Variants in HSD17B3 observed in about 807,000 individuals in gnomAD.
HSD17B3 encodes 17-beta-hydroxysteroid dehydrogenase type 3.
In HSD17B3, 29 loss-of-function variants were observed where a neutral mutation model predicts 41.1. That is an observed-to-expected ratio of 0.71 (90% CI 0.53 to 0.96). HSD17B3 has a LOEUF of 0.96. Ranked by LOEUF, HSD17B3 falls within the 40% of genes least tolerant of loss-of-function variation. The pLI, the probability that HSD17B3 is intolerant of heterozygous loss-of-function variation, is 0.00. For synonymous variants in HSD17B3, 126 were observed against 145.6 expected (o/e 0.87, Z 0.97); for missense variants, 323 against 374.6 (o/e 0.86, Z 1.14).
chr9:96,246,241 G>A (rs2130716280), intron 7 of HSD17B3, among the ~76,000 whole-genome samples: 1 of 152,126 alleles, frequency 6.6e-6, no homozygotes, highest in East Asian at 1.9e-4. Context: ...CTTGATCTCG[G>A]GCCAACTTCT....
chr9:96,250,260 A>C (rs1836843052), intron 5 of HSD17B3: 1 of 1,106,846 alleles, frequency 9.0e-7, no homozygotes, highest in South Asian at 3.8e-5. Flanking sequence ...CACAGACACT[A>C]GCACAAACAC....
chr9:96,240,955 A>G (rs1156738656), intron 9 of HSD17B3, 48 bp from the exon 10 acceptor site: 2 of 1,610,780 alleles, frequency 1.2e-6, no homozygotes, highest in African/African-American at 1.3e-5. Flanking sequence ...CCACCCCAGG[A>G]AGAAGACTCA....
intron 2 of HSD17B3, among the ~76,000 whole-genome samples, chr9:96,255,792 G>C (rs1210537719): frequency 6.6e-6 from 1 of 152,194 alleles, no homozygotes; most frequent in Non-Finnish European, 1.5e-5. Context: ...CAACAGAAGA[G>C]AAAACGGGAC....
chr9:96,244,721 C>T (rs967481069), intron 8 of HSD17B3, among the ~76,000 whole-genome samples: 1 of 151,706 alleles, frequency 6.6e-6, no homozygotes, highest in Non-Finnish European at 1.5e-5. Flanking sequence ...TTGACTTGAT[C>T]GTTTCACAAC....
At position 96,255,367 on chromosome 9, in the gene HSD17B3, C is replaced by CTTTTTTTTT. The variant is rs869145717; in HGVS notation, c.202-433_202-425dup. On this transcript the variant is annotated intron_variant, in intron 2 of 10. Coordinates refer to ENST00000375263, the MANE Select transcript of HSD17B3 (RefSeq NM_000197.2). The stretch of plus-strand genomic sequence containing the variant: ...AAGCAGTGTTTCTGCCCCAACATTT[C>CTTTTTTTTT]TTTTTTTTTTTTTTTTTTTTTTTTT... Among the ~76,000 whole-genome samples the CTTTTTTTTT allele has an allele frequency of 2.1e-3, 112 of 54,562 alleles. 28 individuals carry two copies. The highest frequency in any genetic ancestry group is 2.9e-3 in the Non-Finnish European group (84 of 29,472). The allele number at this position is 54,562 out of a possible 152,430, so 35.8% of individuals were successfully genotyped here.
At chr9:96,301,724 A>AC (rs1187772651) in intron 1 of HSD17B3, among the ~76,000 whole-genome samples, 2 of 150,920 alleles carry the variant, frequency 1.3e-5, no homozygotes, top group African/African-American at 4.9e-5. Context: ...AAAAAAAAAA[A>AC]AACACCATTA....
intron 2 of HSD17B3, among the ~76,000 whole-genome samples, chr9:96,260,240 C>T (rs1358575876): frequency 2.0e-5 from 3 of 152,146 alleles, no homozygotes; most frequent in African/African-American, 7.2e-5. Context: ...ATCCTTGTCC[C>T]ATTTTGGTAT....
intron 4 of HSD17B3, among the ~76,000 whole-genome samples, chr9:96,252,492 G>A (rs1005903884): frequency 2.7e-5 from 4 of 150,882 alleles, no homozygotes; most frequent in African/African-American, 9.8e-5. Flanking sequence ...GCAGTGAGCC[G>A]GGATCACACC....
intron 2 of HSD17B3, among the ~76,000 whole-genome samples, chr9:96,277,200 C>A (rs75071262): frequency 2.0e-3 from 284 of 138,958 alleles, no homozygotes; most frequent in Middle Eastern, 3.6e-3. Context: ...GACTCCAGCT[C>A]AAAAAAAAAA....
chr9:96,289,330 GC>G (rs1173900476), intron 2 of HSD17B3, among the ~76,000 whole-genome samples: 1 of 151,766 alleles, frequency 6.6e-6, no homozygotes, highest in Non-Finnish European at 1.5e-5. Context: ...ACCTATAATT[GC>G]TCTAAAAAAT....
chr9:96,285,197 C>G (rs961219666), intron 2 of HSD17B3, among the ~76,000 whole-genome samples: 1 of 152,084 alleles, frequency 6.6e-6, no homozygotes, highest in African/African-American at 2.4e-5. Flanking sequence ...GTACTTTATA[C>G]AAATAATCAG....
rs1483594142 is a variant in HSD17B3 at position 96,245,393 on chromosome 9, C to A, written c.558G>T (p.Gly186=). Residue 186 remains glycine, a synonymous_variant, in exon 8 of 11, where the codon GGG becomes GGT. Coordinates refer to ENST00000375263, the MANE Select transcript of HSD17B3 (RefSeq NM_000197.2). ...AGAGAGGCCAAGGAAACAGGGCTAT[C>A]CCAGAAGAAATGTTCAGGATGAGAC... ...QKGLILNISS[G]IALFPWPLYS... is the part of the protein sequence containing the mutation. 1 of 1,613,986 alleles carries A rather than the reference C, an allele frequency of 6.2e-7. No individual in the cohort carries two copies.
At chr9:96,241,472 C>T (rs1836436484) in intron 9 of HSD17B3, among the ~76,000 whole-genome samples, 1 of 152,152 alleles carries the variant, frequency 6.6e-6, no homozygotes, top group Non-Finnish European at 1.5e-5. Flanking sequence ...CCAAGAGTAG[C>T]ACATACCTCA....
intron 8 of HSD17B3, among the ~76,000 whole-genome samples, chr9:96,245,133 G>T (rs1836608985): frequency 1.3e-5 from 2 of 152,226 alleles, no homozygotes; most frequent in African/African-American, 4.8e-5. Flanking sequence ...CCGGAGGCTG[G>T]CCAAGTTGTG....
At chr9:96,301,277 CATAA>C (rs1473251233) in intron 1 of HSD17B3, among the ~76,000 whole-genome samples, 1 of 151,894 alleles carries the variant, frequency 6.6e-6, no homozygotes, top group African/African-American at 2.4e-5. Context: ...CCTTTTGAGA[CATAA>C]ATAATAATAA....
chr9:96,242,977 G>C (rs953500321), intron 9 of HSD17B3, among the ~76,000 whole-genome samples: 9 of 152,292 alleles, frequency 5.9e-5, no homozygotes, highest in Admixed American at 1.3e-4. Flanking sequence ...GAGGTGACAT[G>C]TGTCATCTCT....
intron 2 of HSD17B3, among the ~76,000 whole-genome samples, chr9:96,283,523 G>A (rs1419995018): frequency 6.6e-6 from 1 of 152,192 alleles, no homozygotes; most frequent in Admixed American, 6.5e-5. Flanking sequence ...AGGGAGCACT[G>A]TCAAATATAA....
chr9:96,299,197 G>T (rs774521698), intron 1 of HSD17B3, among the ~76,000 whole-genome samples: 1 of 152,110 alleles, frequency 6.6e-6, no homozygotes. Flanking sequence ...TCGGTATATC[G>T]TAAAACTTAC....
intron 5 of HSD17B3, 168 bp downstream of exon 5, chr9:96,251,250 G>A: frequency 1.6e-6 from 1 of 625,934 alleles, no homozygotes; most frequent in Non-Finnish European, 2.9e-6. Flanking sequence ...ACTCTTGACT[G>A]TGGATCGAGT....
Sources: gnomAD v4.1 joint callset for allele counts (sites outside exome capture counted in the v4.1 genomes callset) on GRCh38, gnomAD v4.1.1 for gene constraint, MANE v1.5 for transcripts, NCBI Gene and HGNC (gene_info 2026-07-23, HGNC 2026-07-21) for gene names.